The following CALN1 variants were observed in gnomAD, a reference collection of about 807,000 sequenced individuals.
CALN1 encodes the protein calneuron 1.
CALN1 carries 17 observed loss-of-function variants against 30.6 expected under a neutral mutation model. The ratio of observed to expected loss-of-function variants is 0.56; its 90% CI spans 0.38 to 0.83. The LOEUF is 0.83. Ranked by LOEUF, CALN1 falls within the 40% of genes least tolerant of loss-of-function variation. CALN1 has a pLI of 0.00. For missense variants in CALN1, 291 were observed against 354.9 expected (o/e 0.82, Z 1.45); for synonymous variants, 156 against 131.4 (o/e 1.19, Z -1.28).
rs573477332 is a variant in CALN1, at chr7:71,943,700, C to A, written c.501+79957G>T. ...CAGGTCATTCACCCACCTCGGACTC[C>A]CAAAGTGTTGGGATTACAGGAGTGA... On this transcript the variant is annotated intron_variant, in intron 5 of 6. Coordinates refer to ENST00000395275, the MANE Select transcript of CALN1 (RefSeq NM_031468.4). 3.3e-5 allele frequency among the ~76,000 whole-genome samples: 5 copies of A among 152,046 alleles called. No homozygotes were observed. The South Asian group carries it at 8.3e-4, about 25-fold the overall frequency.
intron 5 of CALN1, among the ~76,000 whole-genome samples, chr7:71,858,911 C>T (rs777733996): frequency 3.3e-5 from 5 of 152,142 alleles, no homozygotes; most frequent in African/African-American, 4.8e-5. Context: ...GTCACGGGCA[C>T]GTCCTTAACC....
At chr7:72,322,175 G>A (rs1044845735) in intron 2 of CALN1, among the ~76,000 whole-genome samples, 6 of 152,196 alleles carry the variant, frequency 3.9e-5, no homozygotes, top group East Asian at 1.9e-4. Flanking sequence ...CCATCCGGGG[G>A]TGCTGGGAGA....
intron 5 of CALN1, among the ~76,000 whole-genome samples, chr7:71,882,394 G>A (rs1011818870): frequency 1.5e-4 from 23 of 152,042 alleles, no homozygotes; most frequent in Non-Finnish European, 2.8e-4. Context: ...TAATCACATC[G>A]GCAAATTTCC....
chr7:72,278,551 C>A, intron 3 of CALN1, 135 bp downstream of exon 3: 1 of 1,190,914 alleles, frequency 8.4e-7, no homozygotes, highest in Non-Finnish European at 1.2e-6. Context: ...AACTCTTTCC[C>A]ATTATGCCAT....
chr7:72,310,306 G>C (rs76455914), intron 2 of CALN1, among the ~76,000 whole-genome samples: 4,439 of 150,730 alleles, frequency 0.029, 145 homozygotes, highest in Non-Finnish European at 0.035. Flanking sequence ...CATTGTGAGG[G>C]TTAATTGATA....
chr7:72,017,893 A>T (rs1212406687), intron 5 of CALN1, among the ~76,000 whole-genome samples: 1 of 152,074 alleles, frequency 6.6e-6, no homozygotes, highest in Non-Finnish European at 1.5e-5. Context: ...AGACACACAA[A>T]CAGCTCAGCT....
chr7:71,808,816 G>A (rs894547698), intron 6 of CALN1, among the ~76,000 whole-genome samples: 1 of 152,092 alleles, frequency 6.6e-6, no homozygotes, highest in Non-Finnish European at 1.5e-5. Context: ...TCATTGTGTG[G>A]GGCTCACATC....
intron 3 of CALN1, among the ~76,000 whole-genome samples, chr7:72,179,547 CT>C (rs1290427303): frequency 2.0e-5 from 3 of 152,122 alleles, no homozygotes; most frequent in Admixed American, 2.0e-4. Flanking sequence ...AAAATTAAAA[CT>C]GAAGAAGAAA....
At chr7:71,974,282 G>A (rs531194934) in intron 5 of CALN1, among the ~76,000 whole-genome samples, 25 of 151,900 alleles carry the variant, frequency 1.6e-4, no homozygotes, top group Admixed American at 4.6e-4. Flanking sequence ...GCCAGGCATG[G>A]TGGTACGTGC....
At chr7:71,895,207 G>C (rs1793469020) in intron 5 of CALN1, among the ~76,000 whole-genome samples, 1 of 152,126 alleles carries the variant, frequency 6.6e-6, no homozygotes, top group Non-Finnish European at 1.5e-5. Flanking sequence ...CACCTTCCTT[G>C]ACCTCCCAAA....
At chr7:72,409,530 T>C (rs1806965068) in intron 1 of CALN1, among the ~76,000 whole-genome samples, 2 of 145,486 alleles carry the variant, frequency 1.4e-5, no homozygotes, top group South Asian at 5.1e-4. Flanking sequence ...TCAGCGTCTG[T>C]GGCCTTCAGC....
At chr7:72,434,527 G>A (rs1467776528) in intron 1 of CALN1, among the ~76,000 whole-genome samples, 3 of 145,316 alleles carry the variant, frequency 2.1e-5, no homozygotes, top group African/African-American at 7.8e-5. Flanking sequence ...TCAGAAGAAG[G>A]AGAAGGAGAA....
At chr7:71,836,499 G>A (rs980144205) in intron 5 of CALN1, among the ~76,000 whole-genome samples, 4 of 152,098 alleles carry the variant, frequency 2.6e-5, no homozygotes, top group Admixed American at 1.3e-4. Flanking sequence ...GAGAAACAGC[G>A]ATGAACCGCC....
At chr7:72,093,288 TA>T (rs1805997194) in intron 4 of CALN1, among the ~76,000 whole-genome samples, 1 of 152,208 alleles carries the variant, frequency 6.6e-6, no homozygotes, top group Non-Finnish European at 1.5e-5. Flanking sequence ...AAGAAAATGT[TA>T]CTTAGCATGA....
At chr7:72,313,728 A>G (rs1048924433) in intron 2 of CALN1, among the ~76,000 whole-genome samples, 2 of 152,130 alleles carry the variant, frequency 1.3e-5, no homozygotes, top group African/African-American at 4.8e-5. Flanking sequence ...GGGACTATAT[A>G]TGAGACTTCT....
intron 5 of CALN1, among the ~76,000 whole-genome samples, chr7:71,900,874 T>C (rs1793809782): frequency 6.6e-6 from 1 of 152,230 alleles, no homozygotes; most frequent in Non-Finnish European, 1.5e-5. Context: ...CCGACATATG[T>C]AGTAGCATGT....
At chr7:71,798,123 C>CAGAGAGAGAGAGAGAGAG (rs3973907) in intron 6 of CALN1, among the ~76,000 whole-genome samples, 18 of 71,006 alleles carry the variant, frequency 2.5e-4, no homozygotes, top group Non-Finnish European at 4.1e-4. Flanking sequence ...GAGACAGAGA[C>CAGAGAGAGAGAGAGAGAG]AGAGAGAGAG....
intron 3 of CALN1, among the ~76,000 whole-genome samples, chr7:72,258,200 T>A (rs557877016): frequency 6.6e-6 from 1 of 152,300 alleles, no homozygotes; most frequent in East Asian, 1.9e-4. Flanking sequence ...GATTTCACAA[T>A]CCCTGGAATT....
intron 5 of CALN1, among the ~76,000 whole-genome samples, chr7:72,007,253 A>G (rs771071341): frequency 3.9e-5 from 6 of 152,228 alleles, no homozygotes; most frequent in African/African-American, 1.4e-4. Flanking sequence ...GCAACTTCTT[A>G]AAGAACTTGT....
Sources: allele counts gnomAD v4.1 joint callset (sites outside exome capture counted in the v4.1 genomes callset), GRCh38; gene constraint gnomAD v4.1.1; transcripts MANE v1.5; gene names NCBI Gene and HGNC (gene_info 2026-07-23, HGNC 2026-07-21).